Variants in CAMTA1 observed in about 807,000 individuals in gnomAD.
The protein encoded by CAMTA1 is calmodulin-binding transcription activator 1.
Under a neutral mutation model 170.9 loss-of-function variants are expected in CAMTA1, and 27 were observed. That is an observed-to-expected ratio of 0.16 (90% CI 0.12 to 0.22). The LOEUF (loss-of-function observed/expected upper bound fraction) is 0.22, where lower values mean the gene tolerates loss of function less well. Ranked by LOEUF, CAMTA1 falls within the 10% of genes least tolerant of loss-of-function variation. The pLI, the probability that CAMTA1 is intolerant of heterozygous loss-of-function variation, is 1.00. For missense variants in CAMTA1, 1,619 were observed against 2,217.2 expected, an observed-to-expected ratio of 0.73 and a Z score of 5.42; for synonymous variants, 833 against 891.5, an observed-to-expected ratio of 0.93 and a Z score of 1.17.
intron 6 of CAMTA1, among the ~76,000 whole-genome samples, chr1:7,553,745 C>T (rs1254828089): frequency 6.6e-6 from 1 of 152,196 alleles, no homozygotes; most frequent in Non-Finnish European, 1.5e-5. Flanking sequence ...GTAGCTCTAA[C>T]AAGAATTCTC....
chr1:7,741,033 T>C (rs193015010), intron 16 of CAMTA1, among the ~76,000 whole-genome samples: 73 of 152,298 alleles, frequency 4.8e-4, no homozygotes, highest in African/African-American at 1.5e-3. Context: ...TGAGCAATTA[T>C]CGATAGTGTG....
chr1:6,880,333 C>T (rs1270131904), intron 3 of CAMTA1, among the ~76,000 whole-genome samples: 1 of 150,664 alleles, frequency 6.6e-6, no homozygotes, highest in African/African-American at 2.4e-5. Flanking sequence ...TCTCAACCTC[C>T]CAACGTGTGG....
At chr1:6,794,287 G>T (rs1430293274) in intron 1 of CAMTA1, among the ~76,000 whole-genome samples, 1 of 152,164 alleles carries the variant, frequency 6.6e-6, no homozygotes, top group Admixed American at 6.5e-5. Flanking sequence ...AAGTTCAGCA[G>T]AATGGAATAT....
chr1:7,402,168 G>A (rs1268337533), intron 5 of CAMTA1, among the ~76,000 whole-genome samples: 1 of 152,130 alleles, frequency 6.6e-6, no homozygotes, highest in African/African-American at 2.4e-5. Context: ...AGGTGTTATT[G>A]TCAATTACAT....
chr1:7,036,623 T>C (rs1255065476), intron 3 of CAMTA1, among the ~76,000 whole-genome samples: 1 of 152,208 alleles, frequency 6.6e-6, no homozygotes, highest in Non-Finnish European at 1.5e-5. Flanking sequence ...GGTTCAAGGT[T>C]TGTGCTTTTT....
intron 5 of CAMTA1, among the ~76,000 whole-genome samples, chr1:7,394,197 G>A (rs560095072): frequency 6.6e-6 from 1 of 152,184 alleles, no homozygotes; most frequent in African/African-American, 2.4e-5. Flanking sequence ...TGCTTTGGAT[G>A]TATATATTCA....
intron 4 of CAMTA1, among the ~76,000 whole-genome samples, chr1:7,209,926 T>C (rs1658451694): frequency 6.6e-6 from 1 of 152,258 alleles, no homozygotes; most frequent in African/African-American, 2.4e-5. Context: ...CATTTTATCA[T>C]ATCTGTCTTA....
intron 4 of CAMTA1, among the ~76,000 whole-genome samples, chr1:7,240,786 G>C: frequency 6.6e-6 from 1 of 152,038 alleles, no homozygotes; most frequent in Non-Finnish European, 1.5e-5. Flanking sequence ...GATTACACAC[G>C]TGAGCCACCA....
intron 6 of CAMTA1, among the ~76,000 whole-genome samples, chr1:7,624,326 G>A (rs534988165): frequency 6.6e-6 from 1 of 152,328 alleles, no homozygotes; most frequent in South Asian, 2.1e-4. Flanking sequence ...GGGAAAGAGT[G>A]CCATCCGCCA....
At chr1:7,002,251 A>C (rs1698330696) in intron 3 of CAMTA1, among the ~76,000 whole-genome samples, 1 of 151,620 alleles carries the variant, frequency 6.6e-6, no homozygotes, top group Non-Finnish European at 1.5e-5. Flanking sequence ...AGGAGTAAAA[A>C]CCCCATGTTT....
intron 6 of CAMTA1, among the ~76,000 whole-genome samples, chr1:7,477,550 T>C (rs555400279): frequency 1.3e-5 from 2 of 152,320 alleles, no homozygotes; most frequent in African/African-American, 2.4e-5. Flanking sequence ...CAGTTTACGA[T>C]GCCAAGGCCA....
chr1:7,399,781 A>G (rs867144597), intron 5 of CAMTA1, among the ~76,000 whole-genome samples: 18 of 152,266 alleles, frequency 1.2e-4, no homozygotes, highest in African/African-American at 3.9e-4. Context: ...TTCTTCCAGC[A>G]CTTTGAATAT....
chr1:7,219,545 A>T (rs1211776138), intron 4 of CAMTA1: 1 of 33,410 alleles, frequency 3.0e-5, no homozygotes, highest in African/African-American at 1.3e-4. Flanking sequence ...TTTTTCTTAA[A>T]AAAAAAAAAA....
chr1:6,867,997 G>C (rs897616806), intron 3 of CAMTA1, among the ~76,000 whole-genome samples: 26 of 152,040 alleles, frequency 1.7e-4, no homozygotes, highest in Non-Finnish European at 3.2e-4. Context: ...GTGGAGATGG[G>C]ATCTCCCTAT....
chr1:7,182,452 C>T (rs1652375443), intron 4 of CAMTA1, among the ~76,000 whole-genome samples: 1 of 151,300 alleles, frequency 6.6e-6, no homozygotes, highest in Non-Finnish European at 1.5e-5. Context: ...CGTGATCGTG[C>T]CACTGTACTC....
At chr1:7,714,473 A>G (rs2096594366) in intron 11 of CAMTA1, among the ~76,000 whole-genome samples, 1 of 152,212 alleles carries the variant, frequency 6.6e-6, no homozygotes, top group Non-Finnish European at 1.5e-5. Flanking sequence ...CAGTCACTTG[A>G]AACCTAGTAG....
chr1:7,560,865 G>A (rs576478836), intron 6 of CAMTA1, among the ~76,000 whole-genome samples: 2 of 151,892 alleles, frequency 1.3e-5, no homozygotes, highest in African/African-American at 4.8e-5. Context: ...TGGAAGGGCA[G>A]GGACAGGCAG....
rs1489373453 is a variant in CAMTA1 at position 7,333,343 on chromosome 1, G to T, written c.438+83717G>T. On this transcript the variant is annotated intron_variant, in intron 5 of 22. Coordinates refer to ENST00000303635, the MANE Select transcript of CAMTA1 (RefSeq NM_015215.4). This position sits in a 1 kb window ranked among gnomAD's most constrained non-coding sequence, Gnocchi z 4.4. ...ATTCCTGCCGGTGAGGGAGAGACCC[G>T]CAGGGGAGTCGGATCTGACACGGGA... is the stretch of plus-strand genomic sequence containing the variant. Among the ~76,000 whole-genome samples the T allele has an allele frequency of 1.3e-5, 2 of 152,144 alleles. No individual in the cohort carries two copies. Among genetic ancestry groups the T allele is most frequent in the Admixed American group, 1.3e-4 (2 of 15,284 alleles).
intron 4 of CAMTA1, among the ~76,000 whole-genome samples, chr1:7,202,748 A>G (rs1338062673): frequency 6.6e-6 from 1 of 152,168 alleles, no homozygotes. Flanking sequence ...AACCTTGCTG[A>G]ATTTGTTCAT....
Sources: allele counts gnomAD v4.1 joint callset (sites outside exome capture counted in the v4.1 genomes callset), GRCh38; gene constraint gnomAD v4.1.1; non-coding constraint Gnocchi (gnomAD v3.1); transcripts MANE v1.5; gene names NCBI Gene and HGNC (gene_info 2026-07-23, HGNC 2026-07-21).